The following PDZRN3 variants were observed in gnomAD, a reference collection of about 807,000 sequenced individuals.
PDZRN3 encodes the protein PDZ domain containing ring finger 3.
Under a neutral mutation model 85.7 loss-of-function variants are expected in PDZRN3, and 38 were observed. The observed-to-expected ratio is 0.44, with a 90% confidence interval of 0.34 to 0.58. The LOEUF is 0.58. PDZRN3 is among the 20% of genes least tolerant of loss of function. PDZRN3 has a pLI of 0.01. For missense variants in PDZRN3, 1,629 were observed against 1,506.4 expected, an observed-to-expected ratio of 1.08 and a Z score of -1.35; for synonymous variants, 759 against 638.0, an observed-to-expected ratio of 1.19 and a Z score of -2.86.
At chr3:73,624,006 G>T in intron 1 of PDZRN3, 97 bp downstream of exon 1, 2 of 1,189,776 alleles carry the variant, frequency 1.7e-6, no homozygotes, top group Non-Finnish European at 2.2e-6. Flanking sequence ...GGATGTTCCC[G>T]GGAAGCTCGG....
At chr3:73,441,764 G>A (rs1702640997) in intron 3 of PDZRN3, among the ~76,000 whole-genome samples, 1 of 152,180 alleles carries the variant, frequency 6.6e-6, no homozygotes, top group African/African-American at 2.4e-5. Context: ...CTGGCTTCCT[G>A]GGAAATGGCA....
At chr3:73,409,769 C>A (rs578129433) in intron 3 of PDZRN3, among the ~76,000 whole-genome samples, 15 of 152,178 alleles carry the variant, frequency 9.9e-5, no homozygotes, top group Admixed American at 6.5e-5. Context: ...TCCCAGAGAG[C>A]CTTCAAAGTT....
rs1173674991 is a variant in PDZRN3 at position 73,500,919 on chromosome 3, CTTT to C, written c.919-96527_919-96525del. Among the ~76,000 whole-genome samples, 7 of 151,758 alleles carry C rather than the reference CTTT, an allele frequency of 4.6e-5. No homozygotes were observed. The South Asian group carries it at 1.0e-3, about 23-fold the overall frequency. Reference sequence around the variant, plus strand: ...CTGCTCATGTTGAGCTATATCATTTCTTTTTTTTTCTTACTTGGTGTTTTGCCT... The same window carrying C: ...CTGCTCATGTTGAGCTATATCATTTCTTTTTTCTTACTTGGTGTTTTGCCT... On this transcript the variant is annotated intron_variant, in intron 3 of 9. Transcript: ENST00000263666.
rs553866028 is a variant in PDZRN3 at position 73,544,196 on chromosome 3, ACT to A, written c.918+58156_918+58157del. On this transcript the variant is annotated intron_variant, in intron 3 of 9. Transcript: ENST00000263666. ...CCACTGCACTCCAGCCTAGGCAACA[ACT>A]CTGTCTCAAAAACAAAGGAACTAGT... Among the ~76,000 whole-genome samples, 250 of 152,258 alleles carry A rather than the reference ACT, an allele frequency of 1.6e-3. 1 individual carries two copies. Among genetic ancestry groups the A allele is most frequent in the Non-Finnish European group, 1.4e-3 (92 of 68,010 alleles).
intron 1 of PDZRN3, among the ~76,000 whole-genome samples, chr3:73,612,818 C>G (rs978587050): frequency 1.3e-5 from 2 of 152,178 alleles, no homozygotes; most frequent in African/African-American, 4.8e-5. Flanking sequence ...TCTCATGTCA[C>G]CAGTTCTCAT....
intron 3 of PDZRN3, among the ~76,000 whole-genome samples, chr3:73,509,531 T>C (rs1221587287): frequency 6.6e-6 from 1 of 152,210 alleles, no homozygotes; most frequent in East Asian, 1.9e-4. Context: ...CTCCCAGTGC[T>C]ATGGCTCAAA....
Position 73,571,072 on chromosome 3 carries a change from G to A in PDZRN3, c.918+31282C>T, listed in dbSNP as rs904733979. Among the ~76,000 whole-genome samples, 6 of 152,104 alleles carry A rather than the reference G, an allele frequency of 3.9e-5. 1 individual carries two copies. The highest frequency in any genetic ancestry group is 3.9e-4 in the Admixed American group (6 of 15,280). ...ATATGCTGCTCAGTGTATGGACTAA[G>A]TTTTTGACGATTCAGTTTTACAAAA... On this transcript the variant is annotated intron_variant, in intron 3 of 9. Coordinates refer to ENST00000263666, the MANE Select transcript of PDZRN3 (RefSeq NM_015009.3).
chr3:73,416,904 T>G (rs1488663016), intron 3 of PDZRN3, among the ~76,000 whole-genome samples: 47 of 147,576 alleles, frequency 3.2e-4, no homozygotes, highest in African/African-American at 1.2e-3. Flanking sequence ...TTTTTTTTTT[T>G]TTTTTGAGAC....
chr3:73,507,416 C>T (rs1047819080), intron 3 of PDZRN3, among the ~76,000 whole-genome samples: 14 of 152,224 alleles, frequency 9.2e-5, no homozygotes, highest in African/African-American at 3.1e-4. Context: ...GTGATCCGCC[C>T]GCCTTGGCCT....
At chr3:73,458,103 C>T (rs1039742168) in intron 3 of PDZRN3, among the ~76,000 whole-genome samples, 3 of 152,176 alleles carry the variant, frequency 2.0e-5, no homozygotes, top group Admixed American at 1.3e-4. Flanking sequence ...TCTGTCCTTG[C>T]TTTTTATTCT....
intron 3 of PDZRN3, among the ~76,000 whole-genome samples, chr3:73,565,533 G>A (rs1374026944): frequency 6.6e-6 from 1 of 152,110 alleles, no homozygotes; most frequent in African/African-American, 2.4e-5. Flanking sequence ...GTTTATGAAT[G>A]TTGTCTCTAA....
rs900950650 is a variant in PDZRN3 at position 73,552,514 on chromosome 3, CAT to C, written c.918+49838_918+49839del. On this transcript the variant is annotated intron_variant, in intron 3 of 9. Coordinates refer to ENST00000263666, the MANE Select transcript of PDZRN3 (RefSeq NM_015009.3). The stretch of plus-strand genomic sequence containing the variant: ...TGGAAGAAATACAAAATACAAAGAA[CAT>C]ATGTTTATGGTGTGTATGAGGTTTT... 3.3e-5 allele frequency among the ~76,000 whole-genome samples: 5 copies of C among 152,092 alleles called. No individual in the cohort carries two copies. The East Asian group carries it at 7.7e-4, about 23-fold the overall frequency.
intron 3 of PDZRN3, among the ~76,000 whole-genome samples, chr3:73,579,390 G>T (rs1006468379): frequency 6.6e-6 from 1 of 152,026 alleles, no homozygotes; most frequent in Non-Finnish European, 1.5e-5. Flanking sequence ...TACTCTGTGG[G>T]GTCTAAAGCC....
At chr3:73,405,731 A>T (rs1701841376) in intron 3 of PDZRN3, among the ~76,000 whole-genome samples, 1 of 152,330 alleles carries the variant, frequency 6.6e-6, no homozygotes, top group Non-Finnish European at 1.5e-5. Context: ...GTCAAAATGA[A>T]CACTGAACCA....
intron 3 of PDZRN3, among the ~76,000 whole-genome samples, chr3:73,531,579 C>T (rs1166527938): frequency 6.6e-6 from 1 of 152,118 alleles, no homozygotes; most frequent in Non-Finnish European, 1.5e-5. Flanking sequence ...TAGTTGCTAC[C>T]AAAGCTGCAT....
chr3:73,470,879 A>C (rs181738915), intron 3 of PDZRN3, among the ~76,000 whole-genome samples: 1 of 152,356 alleles, frequency 6.6e-6, no homozygotes, highest in Non-Finnish European at 1.5e-5. Flanking sequence ...ATTAACCTTC[A>C]ATGAAAATAT....
intron 3 of PDZRN3, among the ~76,000 whole-genome samples, chr3:73,549,009 CA>C (rs1196488823): frequency 2.0e-5 from 3 of 152,214 alleles, no homozygotes; most frequent in African/African-American, 7.2e-5. Context: ...GAACATCAAA[CA>C]TCACAAAAGC....
rs115497629 is a variant in PDZRN3, at chr3:73,557,180, A to G, written c.918+45174T>C. On this transcript the variant is annotated intron_variant, in intron 3 of 9. Transcript: ENST00000263666. ...AGCAGCTGCACAGGGAAAAATCTCTAGAGCCTCAGCCTTCCTTCTCACAAG... is the reference window on the plus strand; with the variant it reads ...AGCAGCTGCACAGGGAAAAATCTCTGGAGCCTCAGCCTTCCTTCTCACAAG... 2.1e-3 allele frequency among the ~76,000 whole-genome samples: 315 copies of G among 152,272 alleles called. 2 individuals are homozygous for G. Among genetic ancestry groups the G allele is most frequent in the African/African-American group, 6.9e-3 (288 of 41,550 alleles).
intron 3 of PDZRN3, among the ~76,000 whole-genome samples, chr3:73,421,160 A>G (rs1702193700): frequency 6.6e-6 from 1 of 152,174 alleles, no homozygotes; most frequent in African/African-American, 2.4e-5. Context: ...AGTGCTGACT[A>G]TATGCCCACA....
Sources: allele counts gnomAD v4.1 joint callset (sites outside exome capture counted in the v4.1 genomes callset), GRCh38; gene constraint gnomAD v4.1.1; transcripts MANE v1.5; gene names NCBI Gene and HGNC (gene_info 2026-07-23, HGNC 2026-07-21).